EXOC4: variants seen among roughly 807,000 people sequenced by gnomAD.
EXOC4 encodes exocyst complex component 4.
In EXOC4, 71 loss-of-function variants were observed where a neutral mutation model predicts 107.2. The ratio of observed to expected loss-of-function variants is 0.66; its 90% CI spans 0.55 to 0.81. The LOEUF is 0.81. EXOC4 is among the 30% of genes least tolerant of loss of function. The pLI is 0.00. For synonymous variants in EXOC4, 456 were observed against 441.2 expected (o/e 1.03, Z -0.42); for missense variants, 1,108 against 1,189.6 (o/e 0.93, Z 1.01).
At chr7:133,945,454 T>TA (rs1258159929) in intron 14 of EXOC4, among the ~76,000 whole-genome samples, 1 of 152,222 alleles carries the variant, frequency 6.6e-6, no homozygotes, top group African/African-American at 2.4e-5. Flanking sequence ...GGCATGGAGA[T>TA]ACGGTACTTC....
chr7:133,712,733 A>G (rs568238017), intron 10 of EXOC4, among the ~76,000 whole-genome samples: 1 of 152,340 alleles, frequency 6.6e-6, no homozygotes, highest in East Asian at 1.9e-4. Flanking sequence ...ATGGATAAAC[A>G]AATTAATGGT....
intron 14 of EXOC4, among the ~76,000 whole-genome samples, chr7:133,975,788 T>G (rs1249414038): frequency 1.3e-5 from 2 of 151,980 alleles, no homozygotes; most frequent in African/African-American, 4.8e-5. Context: ...ACTTTCACCA[T>G]AACCCAAGAA....
chr7:133,672,691 A>T (rs891125244), intron 10 of EXOC4, among the ~76,000 whole-genome samples: 3 of 152,144 alleles, frequency 2.0e-5, no homozygotes, highest in Non-Finnish European at 2.9e-5. Flanking sequence ...AAAGCAACAG[A>T]TGGTGAGGAA....
intron 10 of EXOC4, among the ~76,000 whole-genome samples, chr7:133,650,546 A>G (rs1803118163): frequency 6.6e-6 from 1 of 152,188 alleles, no homozygotes. Context: ...TCTGTATATT[A>G]TTATACAAAG....
intron 11 of EXOC4, among the ~76,000 whole-genome samples, chr7:133,859,610 G>A (rs757827150): frequency 6.6e-6 from 1 of 152,160 alleles, no homozygotes; most frequent in Non-Finnish European, 1.5e-5. Flanking sequence ...TGAAGACAAG[G>A]ACTAGAGAGC....
chr7:133,273,365 G>C (rs1473898813), intron 1 of EXOC4, among the ~76,000 whole-genome samples: 1 of 152,158 alleles, frequency 6.6e-6, no homozygotes, highest in African/African-American at 2.4e-5. Flanking sequence ...AAGAAACCTT[G>C]GAAGTAGTCT....
chr7:133,587,290 T>C (rs139845384), intron 9 of EXOC4, among the ~76,000 whole-genome samples: 3 of 152,306 alleles, frequency 2.0e-5, no homozygotes, highest in African/African-American at 7.2e-5. Flanking sequence ...TTTTGTCCAG[T>C]TTTTATTAGT....
At chr7:133,970,886 G>GT (rs1224400333) in intron 14 of EXOC4, among the ~76,000 whole-genome samples, 1 of 64,760 alleles carries the variant, frequency 1.5e-5, no homozygotes, top group Non-Finnish European at 2.6e-5. Context: ...GTTCCAAATG[G>GT]TTTCCCCTGA....
chr7:133,936,862 T>C (rs1800315817), intron 13 of EXOC4, among the ~76,000 whole-genome samples: 2 of 152,130 alleles, frequency 1.3e-5, no homozygotes, highest in African/African-American at 4.8e-5. Context: ...GTTTCACTGT[T>C]GTTGCCCAGG....
chr7:133,288,563 G>T (rs924055050), intron 2 of EXOC4, among the ~76,000 whole-genome samples: 1 of 152,122 alleles, frequency 6.6e-6, no homozygotes, highest in African/African-American at 2.4e-5. Flanking sequence ...ATTGGGGAAG[G>T]TATAATAGCA....
At chr7:133,583,056 T>C (rs1485741524) in intron 9 of EXOC4, among the ~76,000 whole-genome samples, 2 of 152,270 alleles carry the variant, frequency 1.3e-5, no homozygotes, top group Non-Finnish European at 2.9e-5. Context: ...GTGGTTTTAG[T>C]ATATTCACTG....
chr7:133,269,704 T>A (rs1168748002), intron 1 of EXOC4, among the ~76,000 whole-genome samples: 4 of 152,352 alleles, frequency 2.6e-5, no homozygotes, highest in East Asian at 1.9e-4. Context: ...ACTATATTTT[T>A]AAAAATGGAA....
At chr7:133,273,217 A>G (rs144192453) in intron 1 of EXOC4, among the ~76,000 whole-genome samples, 8 of 152,348 alleles carry the variant, frequency 5.3e-5, no homozygotes, top group East Asian at 3.9e-4. Context: ...ACAAGAAGAC[A>G]TGATACATGC....
intron 3 of EXOC4, among the ~76,000 whole-genome samples, chr7:133,299,238 C>A (rs535481455): frequency 6.6e-6 from 1 of 151,846 alleles, no homozygotes; most frequent in Non-Finnish European, 1.5e-5. Flanking sequence ...CCATTCTAGG[C>A]CTGACTTTTT....
chr7:133,308,281 C>T (rs1294792387), intron 4 of EXOC4, among the ~76,000 whole-genome samples: 1 of 152,184 alleles, frequency 6.6e-6, no homozygotes, highest in East Asian at 1.9e-4. Flanking sequence ...ACCCTAATCC[C>T]TGGTACCTCA....
intron 7 of EXOC4, among the ~76,000 whole-genome samples, chr7:133,405,014 C>G (rs1438775997): frequency 6.6e-6 from 1 of 151,838 alleles, no homozygotes; most frequent in African/African-American, 2.4e-5. Context: ...TTCAAGGCTG[C>G]AATGAGTTAT....
chr7:133,416,428 G>C (rs1441587479), intron 7 of EXOC4, among the ~76,000 whole-genome samples: 1 of 152,124 alleles, frequency 6.6e-6, no homozygotes, highest in East Asian at 1.9e-4. Flanking sequence ...TTTGCATATA[G>C]GGTTGTTTCT....
At chr7:133,495,810 C>T (rs955720732) in intron 9 of EXOC4, among the ~76,000 whole-genome samples, 3 of 152,084 alleles carry the variant, frequency 2.0e-5, no homozygotes, top group Non-Finnish European at 4.4e-5. Flanking sequence ...ACTAATTTCT[C>T]GTGGGAATAT....
chr7:133,301,850 G>T (rs946348930), intron 3 of EXOC4, among the ~76,000 whole-genome samples: 6 of 152,094 alleles, frequency 3.9e-5, no homozygotes, highest in South Asian at 2.1e-4. Context: ...GCCAAGTTTA[G>T]TGTTCCTCCA....
Sources: allele counts gnomAD v4.1 joint callset (sites outside exome capture counted in the v4.1 genomes callset), GRCh38; gene constraint gnomAD v4.1.1; transcripts MANE v1.5; gene names NCBI Gene and HGNC (gene_info 2026-07-23, HGNC 2026-07-21).